The following WDHD1 variants were observed in gnomAD, a reference collection of about 807,000 sequenced individuals.
WDHD1 encodes the protein WD repeat and HMG-box DNA-binding protein 1.
Under a neutral mutation model 135.4 loss-of-function variants are expected in WDHD1, and 111 were observed. The observed-to-expected ratio is 0.82, with a 90% CI of 0.70 to 0.96. WDHD1 has a LOEUF of 0.96. Ranked by LOEUF, WDHD1 falls within the 40% of genes least tolerant of loss-of-function variation. WDHD1 has a pLI of 0.00. For synonymous variants in WDHD1, 434 were observed against 439.0 expected, an observed-to-expected ratio of 0.99 and a Z score of 0.14; for missense variants, 1,351 against 1,336.3, an observed-to-expected ratio of 1.01 and a Z score of -0.17.
At chr14:55,013,321 C>CA (rs927809520) in intron 3 of WDHD1, among the ~76,000 whole-genome samples, 164 bp downstream of exon 3, 5 of 140,216 alleles carry the variant, frequency 3.6e-5, no homozygotes, top group African/African-American at 5.3e-5. Context: ...CACCCCATCT[C>CA]AAAAAAAAAT....
At chr14:54,950,988 A>G (rs1189601236) in intron 24 of WDHD1, among the ~76,000 whole-genome samples, 1 of 152,226 alleles carries the variant, frequency 6.6e-6, no homozygotes. Flanking sequence ...TCTGGGACAC[A>G]TTTAAAGCAG....
At chr14:55,001,079 A>T (rs938662025) in intron 8 of WDHD1, 87 bp from the exon 9 acceptor site, 18 of 915,038 alleles carry the variant, frequency 2.0e-5, no homozygotes, top group Middle Eastern at 2.5e-4. Flanking sequence ...TTTTCTTTTC[A>T]TTTTTTTTCA....
intron 25 of WDHD1, among the ~76,000 whole-genome samples, chr14:54,943,663 G>T (rs762185719): frequency 6.6e-6 from 1 of 152,170 alleles, no homozygotes; most frequent in East Asian, 1.9e-4. Flanking sequence ...CTCCCAAAGT[G>T]CTAGGATTAC....
At chr14:54,948,450 A>G (rs1189158331) in intron 24 of WDHD1, among the ~76,000 whole-genome samples, 1 of 152,104 alleles carries the variant, frequency 6.6e-6, no homozygotes, top group Non-Finnish European at 1.5e-5. Context: ...AGCCTCACTC[A>G]TTGCTAGCAC....
Position 55,000,989 on chromosome 14 carries a change from G to T in WDHD1, c.697C>A (p.Leu233Ile). 6.5e-7 allele frequency: 1 copy of T among 1,536,064 alleles called. No homozygotes were observed. Among genetic ancestry groups the T allele is most frequent in the Non-Finnish European group, 8.8e-7 (1 of 1,140,382 alleles). Reference protein sequence around the residue: ...DLSDNFISQTLNIVTWSPCGQ... With the variant: ...DLSDNFISQTINIVTWSPCGQ... ...CAGGGAGACCAGGTTACTATATTGA[G>T]GGTCTGTAAAGAAAAACAGTTAATA... The change falls in exon 9 of 26, where the codon CTC becomes ATC. Residue 233 changes from leucine (L) to isoleucine (I), a missense_variant. Leu to Ile is a conservative substitution (Grantham distance 5). Around this residue, in one of 2 missense-constraint regions of WDHD1, gnomAD observed 1,330 missense variants for 1,296.1 expected, o/e 1.03. Coordinates refer to ENST00000360586, the MANE Select transcript of WDHD1 (RefSeq NM_007086.4).
chr14:54,944,412 T>C lies in WDHD1; in HGVS notation c.3109A>G (p.Asn1037Asp). The change falls in exon 25 of 26, where the codon AAT (asparagine) becomes GAT (aspartate). Residue 1037 changes from asparagine (N) to aspartate (D), a missense_variant. Asn to Asp is a conservative substitution (Grantham distance 23). Coordinates refer to ENST00000360586, the MANE Select transcript of WDHD1 (RefSeq NM_007086.4). ...EENRSNILSD[N>D]PDFSDEADII... is the part of the protein sequence containing the mutation. ...TCTGCTTCATCTGAAAAGTCAGGAT[T>C]GTCAGACAAAATATTACTTCTATTT... 1 of 1,608,432 alleles carries C rather than the reference T, an allele frequency of 6.2e-7. No individual in the cohort carries two copies. The highest frequency in any genetic ancestry group is 8.5e-7 in the Non-Finnish European group (1 of 1,179,014).
At chr14:54,974,791 T>C (rs1046361908) in intron 16 of WDHD1, among the ~76,000 whole-genome samples, 1 of 152,176 alleles carries the variant, frequency 6.6e-6, no homozygotes, top group Non-Finnish European at 1.5e-5. Context: ...TGTGCCACTG[T>C]ACTAGCCTGG....
intron 3 of WDHD1, among the ~76,000 whole-genome samples, chr14:55,011,566 G>C (rs928356530): frequency 6.7e-6 from 1 of 148,184 alleles, no homozygotes; most frequent in African/African-American, 2.5e-5. Context: ...CTGAGCAGAG[G>C]GTGAGTTCCT....
At chr14:55,005,444 G>C in intron 7 of WDHD1, 1 of 569,524 alleles carries the variant, frequency 1.8e-6, no homozygotes, top group Non-Finnish European at 3.4e-6. Context: ...CTTCGGACCA[G>C]TATTCCTGGA....
intron 3 of WDHD1, among the ~76,000 whole-genome samples, chr14:55,012,732 A>G (rs2042191412): frequency 6.6e-6 from 1 of 152,096 alleles, no homozygotes; most frequent in Non-Finnish European, 1.5e-5. Context: ...AGGTAAAGAG[A>G]GGGCGAGAGG....
At chr14:55,022,392 T>C (rs1214211710) in intron 2 of WDHD1, among the ~76,000 whole-genome samples, 1 of 152,194 alleles carries the variant, frequency 6.6e-6, no homozygotes, top group East Asian at 1.9e-4. Flanking sequence ...TAAATCTTAG[T>C]GCTCACTTTC....
intron 11 of WDHD1, among the ~76,000 whole-genome samples, chr14:54,994,782 T>A (rs1283213118): frequency 2.0e-5 from 3 of 149,732 alleles, no homozygotes; most frequent in African/African-American, 7.3e-5. Context: ...AAAAATCCGG[T>A]TGCACTCATA....
intron 15 of WDHD1, among the ~76,000 whole-genome samples, chr14:54,983,008 T>A (rs1566725484): frequency 3.3e-5 from 5 of 151,784 alleles, no homozygotes. Flanking sequence ...CTACTAAAAA[T>A]ACAACATTAG....
intron 10 of WDHD1, 27 bp downstream of exon 10, chr14:55,000,476 A>T (rs1171648893): frequency 7.2e-6 from 11 of 1,536,478 alleles, no homozygotes; most frequent in Non-Finnish European, 9.6e-6. Flanking sequence ...CATTTTGAAG[A>T]AACTGTTGTA....
intron 18 of WDHD1, 111 bp downstream of exon 18, chr14:54,966,364 A>AAT (rs1302512376): frequency 2.3e-6 from 3 of 1,324,412 alleles, no homozygotes; most frequent in Admixed American, 2.9e-5. Flanking sequence ...ACAAAAAAAA[A>AAT]CTTAAGAATC....
rs774160091 is a variant in WDHD1, at chr14:54,962,542, G to A, written c.2657C>T (p.Ser886Leu). The change falls in exon 21 of 26, where the codon TCG (serine) becomes TTG (leucine). Residue 886 changes from serine to leucine, a missense_variant. Ser to Leu is a moderately radical substitution (Grantham distance 145). This residue lies in a region of WDHD1 where 1,330 missense variants were observed against 1,296.1 expected (regional missense o/e 1.03). Coordinates refer to ENST00000360586, the MANE Select transcript of WDHD1 (RefSeq NM_007086.4). ...AGAGGAATTTGTACTTTTGGAAAAC[G>A]AGTTCTGTCCTACAGATTAAAATAA... ...KPEIHKPGQNSFSKSTNSSDV... is the reference protein window; with the variant it reads ...KPEIHKPGQNLFSKSTNSSDV... 14 of 1,609,386 alleles carry A rather than the reference G, an allele frequency of 8.7e-6. No individual in the cohort carries two copies. The highest frequency in any genetic ancestry group is 5.0e-5 in the Admixed American group (3 of 59,502).
At position 54,941,517 on chromosome 14, in the gene WDHD1, T is replaced by C. The variant is rs1297541879; in HGVS notation, c.3363A>G (p.Leu1121=). 3 of 1,612,478 alleles carry C rather than the reference T, an allele frequency of 1.9e-6. No homozygotes were observed. The highest frequency in any genetic ancestry group is 1.7e-6 in the Non-Finnish European group (2 of 1,179,758). Residue 1121 remains leucine, a synonymous_variant, in exon 26 of 26, where the codon CTA becomes CTG. Coordinates refer to ENST00000360586, the MANE Select transcript of WDHD1 (RefSeq NM_007086.4). ...ACTCCTGCTTAAATGCAAAAGCTGA[T>C]AGTTTCTGATTTGTAGAAAAATCTA... ...KPLDFSTNQK[L]SAFAFKQE
chr14:54,943,764 A>G (rs2040874950), intron 25 of WDHD1, among the ~76,000 whole-genome samples: 1 of 152,042 alleles, frequency 6.6e-6, no homozygotes, highest in African/African-American at 2.4e-5. Context: ...AACATACAGG[A>G]ACTTATAGAG....
rs1355104091 is a variant in WDHD1 at position 54,941,481 on chromosome 14, T to A, written c.*9A>T. On this transcript the variant is annotated 3_prime_UTR_variant, in exon 26 of 26. Transcript: ENST00000360586. ...AAATCCATTACTTCCCTAGGGTCAC[T>A]TTCTTCCTTTACTCCTGCTTAAATG... is the stretch of plus-strand genomic sequence containing the variant. 1.2e-6 allele frequency: 2 copies of A among 1,602,688 alleles called. No homozygotes were observed. Among genetic ancestry groups the A allele is most frequent in the Non-Finnish European group, 1.7e-6 (2 of 1,176,806 alleles).
Sources: allele counts gnomAD v4.1 joint callset (sites outside exome capture counted in the v4.1 genomes callset), GRCh38; gene constraint gnomAD v4.1.1; regional missense constraint gnomAD v4.1.1; transcripts MANE v1.5; gene names NCBI Gene and HGNC (gene_info 2026-07-23, HGNC 2026-07-21).